The following UGT1A5 variants were observed in gnomAD, a reference collection of about 807,000 sequenced individuals.
UGT1A5 encodes the protein UDP glucuronosyltransferase family 1 member A5.
A neutral mutation model predicts 40.3 loss-of-function variants in UGT1A5; 29 were observed. That is an observed-to-expected ratio of 0.72 (90% CI 0.54 to 0.98). The LOEUF is 0.98. Among genes scored for constraint, UGT1A5 ranks in the 50% least tolerant of loss-of-function variants. The pLI is 0.00. For synonymous variants in UGT1A5, 257 were observed against 262.5 expected, an observed-to-expected ratio of 0.98 and a Z score of 0.20; for missense variants, 678 against 677.9, an observed-to-expected ratio of 1.00 and a Z score of 0.00.
intron 1 of UGT1A5, among the ~76,000 whole-genome samples, chr2:233,740,349 G>A (rs1165997956): frequency 2.0e-5 from 3 of 151,880 alleles, no homozygotes; most frequent in South Asian, 2.1e-4. Flanking sequence ...ATGAGAAAGT[G>A]GAATTAGAAA....
intron 1 of UGT1A5, chr2:233,729,737 A>G (rs1236365518): frequency 6.2e-7 from 1 of 1,613,842 alleles, no homozygotes; most frequent in East Asian, 2.2e-5. Flanking sequence ...AATTCAGACC[A>G]CATGACATTC....
intron 1 of UGT1A5, among the ~76,000 whole-genome samples, chr2:233,740,080 C>T (rs1401216325): frequency 3.3e-5 from 5 of 151,794 alleles, no homozygotes; most frequent in African/African-American, 7.3e-5. Flanking sequence ...CTCTGTCTCT[C>T]GCCTGCTGCC....
intron 1 of UGT1A5, among the ~76,000 whole-genome samples, chr2:233,731,408 T>C (rs2078155079): frequency 6.6e-6 from 1 of 152,094 alleles, no homozygotes; most frequent in Non-Finnish European, 1.5e-5. Flanking sequence ...TTACATTAGG[T>C]ATTTTTCCTA....
intron 1 of UGT1A5, chr2:233,743,944 C>A: frequency 7.4e-7 from 1 of 1,351,520 alleles, no homozygotes; most frequent in Non-Finnish European, 9.9e-7. Context: ...GCCCACCAGG[C>A]ACTGGCACAG....
intron 1 of UGT1A5, among the ~76,000 whole-genome samples, chr2:233,736,069 T>G (rs1320914506): frequency 6.6e-6 from 1 of 152,194 alleles, no homozygotes; most frequent in Non-Finnish European, 1.5e-5. Flanking sequence ...CTTGCTAGGT[T>G]TGGGAAGTTC....
chr2:233,713,825 C>T lies in UGT1A5; in HGVS notation c.834C>T (p.Gly278=). The change falls in exon 1 of 5, where the codon GGC becomes GGT. Residue 278 remains glycine, a synonymous_variant. Coordinates refer to ENST00000373414, the MANE Select transcript of UGT1A5 (RefSeq NM_019078.2). ...TGCCCAACATGGTCTTCATTGGGGG[C>T]ATCAACTGTGCCAACGGGAAGCCAC... is the stretch of plus-strand genomic sequence containing the variant. ...PIMPNMVFIG[G]INCANGKPLS... 1.2e-6 allele frequency: 2 copies of T among 1,614,052 alleles called. No homozygotes were observed. The highest frequency in any genetic ancestry group is 2.2e-5 in the South Asian group (2 of 91,070).
chr2:233,729,080 A>T lies in UGT1A5; in HGVS notation c.867+15222A>T, dbSNP rs1488435672. 6 of 1,612,076 alleles carry T rather than the reference A, an allele frequency of 3.7e-6. No homozygotes were observed. In the African/African-American group the frequency reaches 8.0e-5, roughly 22 times the overall value. On this transcript the variant is annotated intron_variant, in intron 1 of 4. Transcript: ENST00000373414. Reference sequence around the variant, plus strand: ...TTAAGATGAAGAAAGCAAATGTAGCAGGCACAGCGTGGGGTGGACAGTCAG... The same window carrying T: ...TTAAGATGAAGAAAGCAAATGTAGCTGGCACAGCGTGGGGTGGACAGTCAG...
chr2:233,736,749 T>C (rs1395071479), intron 1 of UGT1A5, among the ~76,000 whole-genome samples: 1 of 152,196 alleles, frequency 6.6e-6, no homozygotes, highest in African/African-American at 2.4e-5. Flanking sequence ...TTTCTGTTTG[T>C]TAGTTTTCCT....
intron 1 of UGT1A5, chr2:233,750,801 G>A (rs763545505): frequency 6.6e-6 from 1 of 151,910 alleles, no homozygotes; most frequent in Non-Finnish European, 1.5e-5. Flanking sequence ...AAGAATTTAG[G>A]TTTGGGAACC....
In UGT1A5 at chr2:233,713,193, T is replaced by C. The variant is rs143484996; in HGVS notation, c.202T>C (p.Tyr68His). The C allele has an allele frequency of 2.6e-4, 422 of 1,614,210 alleles. 1 individual carries two copies. Among genetic ancestry groups the C allele is most frequent in the African/African-American group, 1.1e-3 (82 of 75,064 alleles). The part of the protein sequence containing the change: ...VVVLTLEVNM[Y>H]IKEENFFTLT... ...GGTCCTCACCCTGGAGGTGAATATG[T>C]ACATCAAAGAAGAGAACTTTTTCAC... Residue 68 changes from tyrosine (Y) to histidine (H), a missense_variant, in exon 1 of 5, where the codon TAC becomes CAC. Coordinates refer to ENST00000373414, the MANE Select transcript of UGT1A5 (RefSeq NM_019078.2).
chr2:233,713,127 G>A lies in UGT1A5; in HGVS notation c.136G>A (p.Glu46Lys). 1 of 1,614,246 alleles carries A rather than the reference G, an allele frequency of 6.2e-7. No individual in the cohort carries two copies. Among genetic ancestry groups the A allele is most frequent in the Non-Finnish European group, 8.5e-7 (1 of 1,180,044 alleles). The change falls in exon 1 of 5, where the codon GAG (glutamate) becomes AAG (lysine). Residue 46 changes from glutamate (E) to lysine (K), a missense_variant. Transcript: ENST00000373414. The part of the protein sequence containing the change: ...TDGSHWLSMR[E>K]ALRDLHARGH... Reference sequence around the variant, plus strand: ...TGGCAGCCACTGGCTCAGCATGCGGGAGGCCTTGCGGGACCTCCATGCGAG... The same window carrying A: ...TGGCAGCCACTGGCTCAGCATGCGGAAGGCCTTGCGGGACCTCCATGCGAG...
chr2:233,754,783 A>T (rs1413536581), intron 1 of UGT1A5: 1 of 1,152,612 alleles, frequency 8.7e-7, no homozygotes, highest in Admixed American at 2.2e-5. Context: ...GAGCCAAAGG[A>T]ACGAAATCCT....
intron 1 of UGT1A5, among the ~76,000 whole-genome samples, chr2:233,736,379 C>T (rs2078756345): frequency 6.6e-6 from 1 of 152,164 alleles, no homozygotes; most frequent in African/African-American, 2.4e-5. Context: ...TTAAGGTCTT[C>T]TCTACAGTGT....
intron 1 of UGT1A5, among the ~76,000 whole-genome samples, chr2:233,733,174 GC>G (rs2078363490): frequency 6.6e-6 from 1 of 152,204 alleles, no homozygotes; most frequent in South Asian, 2.1e-4. Context: ...CTGGGACTTT[GC>G]TGAAGTTGCT....
At chr2:233,768,071 G>T in intron 3 of UGT1A5, 135 bp downstream of exon 3, 1 of 1,595,002 alleles carries the variant, frequency 6.3e-7, no homozygotes, top group Non-Finnish European at 8.6e-7. Flanking sequence ...TTTATCTAGT[G>T]GGGTATCTCA....
At chr2:233,723,218 T>A (rs573450645) in intron 1 of UGT1A5, among the ~76,000 whole-genome samples, 28 of 123,768 alleles carry the variant, frequency 2.3e-4, no homozygotes, top group Admixed American at 2.1e-3. Context: ...ACTGACTTTT[T>A]TTTTTTTTTT....
chr2:233,749,918 CA>C (rs1168394820), intron 1 of UGT1A5, among the ~76,000 whole-genome samples: 1 of 151,918 alleles, frequency 6.6e-6, no homozygotes. Flanking sequence ...AACTGTGAGT[CA>C]ATTAAAGCTC....
At chr2:233,766,610 TC>T (rs1292898350) in intron 1 of UGT1A5, among the ~76,000 whole-genome samples, 1 of 152,172 alleles carries the variant, frequency 6.6e-6, no homozygotes, top group Non-Finnish European at 1.5e-5. Context: ...CACACCCTCT[TC>T]TACCCAGCAC....
At position 233,772,404 on chromosome 2, in the gene UGT1A5, T is replaced by C; in HGVS notation, c.1450T>C (p.Trp484Arg). The change falls in exon 5 of 5, where the codon TGG becomes CGG. Residue 484 changes from tryptophan (W) to arginine (R), a missense_variant. Coordinates refer to ENST00000373414, the MANE Select transcript of UGT1A5 (RefSeq NM_019078.2). ...HLRPAAHDLT[W>R]YQYHSLDVIG... ...GCGCCCCGCAGCCCACGACCTCACC[T>C]GGTACCAGTACCATTCCTTGGACGT... is the stretch of plus-strand genomic sequence containing the variant. 6.2e-7 allele frequency: 1 copy of C among 1,614,214 alleles called. No individual in the cohort carries two copies. The highest frequency in any genetic ancestry group is 8.5e-7 in the Non-Finnish European group (1 of 1,180,034).
Sources: allele counts gnomAD v4.1 joint callset (sites outside exome capture counted in the v4.1 genomes callset), GRCh38; gene constraint gnomAD v4.1.1; transcripts MANE v1.5; gene names NCBI Gene and HGNC (gene_info 2026-07-23, HGNC 2026-07-21).